The following LOXHD1 variants were observed in gnomAD, a reference collection of about 807,000 sequenced individuals.
LOXHD1 encodes lipoxygenase homology domain-containing protein 1.
In LOXHD1, 205 loss-of-function variants were observed where a neutral mutation model predicts 248.2. That is an observed-to-expected ratio of 0.83 (90% CI 0.74 to 0.93). LOXHD1 has a LOEUF of 0.93. Among genes scored for constraint, LOXHD1 ranks in the 40% least tolerant of loss-of-function variants. LOXHD1 has a pLI of 0.00. For missense variants in LOXHD1, 2,930 were observed against 2,971.6 expected, an observed-to-expected ratio of 0.99 and a Z score of 0.33; for synonymous variants, 1,113 against 1,162.8, an observed-to-expected ratio of 0.96 and a Z score of 0.87.
chr18:46,642,620 A>G (rs1194361667), intron 2 of LOXHD1, among the ~76,000 whole-genome samples: 4 of 152,250 alleles, frequency 2.6e-5, no homozygotes, highest in Non-Finnish European at 5.9e-5. Flanking sequence ...CATCTCTGGC[A>G]TCCTGCAAAT....
intron 6 of LOXHD1, among the ~76,000 whole-genome samples, chr18:46,604,539 C>T (rs1006426905): frequency 6.6e-6 from 1 of 152,194 alleles, no homozygotes; most frequent in Non-Finnish European, 1.5e-5. Context: ...AGACTGGTTA[C>T]AAGAACTGGA....
At chr18:46,546,334 A>T (rs2036827660) in intron 22 of LOXHD1, among the ~76,000 whole-genome samples, 1 of 151,414 alleles carries the variant, frequency 6.6e-6, no homozygotes, top group African/African-American at 2.4e-5. Context: ...ACTCCATTCC[A>T]ATACATTTCA....
chr18:46,549,105 T>G (rs1233655287), intron 21 of LOXHD1, among the ~76,000 whole-genome samples: 1 of 152,202 alleles, frequency 6.6e-6, no homozygotes, highest in East Asian at 1.9e-4. Flanking sequence ...CTCTTCCTCC[T>G]CCAGGAATAC....
intron 14 of LOXHD1, among the ~76,000 whole-genome samples, chr18:46,573,011 A>C (rs1161587976): frequency 8.5e-6 from 1 of 118,016 alleles, no homozygotes. Flanking sequence ...CGACAGGGTG[A>C]GACTCCGTCT....
chr18:46,604,311 C>T, intron 6 of LOXHD1, 82 bp from the exon 7 acceptor site: 1 of 1,508,734 alleles, frequency 6.6e-7, no homozygotes, highest in Non-Finnish European at 9.0e-7. Context: ...CTTCCAATCA[C>T]TTGAGTCTAC....
chr18:46,542,981 C>T, intron 23 of LOXHD1, 126 bp from the exon 24 acceptor site: 1 of 1,332,102 alleles, frequency 7.5e-7, no homozygotes, highest in South Asian at 1.4e-5. Flanking sequence ...TTAGACTGTG[C>T]AATTATCATC....
At chr18:46,625,985 A>G (rs1304793719) in intron 4 of LOXHD1, among the ~76,000 whole-genome samples, 1 of 152,140 alleles carries the variant, frequency 6.6e-6, no homozygotes, top group Non-Finnish European at 1.5e-5. Context: ...CTTGTATACT[A>G]CTGGAATGTC....
intron 34 of LOXHD1, 90 bp downstream of exon 34, chr18:46,518,039 T>G: frequency 6.8e-7 from 1 of 1,472,842 alleles, no homozygotes; most frequent in Non-Finnish European, 9.3e-7. Flanking sequence ...GCAGCGGGCA[T>G]GTGAGAATCA....
chr18:46,569,390 G>A, intron 16 of LOXHD1, 52 bp downstream of exon 16: 2 of 1,458,690 alleles, frequency 1.4e-6, no homozygotes, highest in South Asian at 1.3e-5. Context: ...GTGTGAATGT[G>A]TGTTCGGAAA....
chr18:46,631,676 T>C (rs564509252), intron 4 of LOXHD1, among the ~76,000 whole-genome samples: 39 of 152,184 alleles, frequency 2.6e-4, no homozygotes, highest in Non-Finnish European at 5.0e-4. Context: ...CAGTTTCCTA[T>C]ATCACCAACT....
chr18:46,572,164 T>C lies in LOXHD1; in HGVS notation c.1971-2A>G. 1 of 1,551,768 alleles carries C rather than the reference T, an allele frequency of 6.4e-7. No homozygotes were observed. ...TCATCCTTATCCTTGTCCAACCACCTGGTGGGCAAATGGGGGAATGTTAGC... is the reference window on the plus strand; with the variant it reads ...TCATCCTTATCCTTGTCCAACCACCCGGTGGGCAAATGGGGGAATGTTAGC... On this transcript the variant is annotated splice_acceptor_variant, in intron 14 of 40. Transcript: ENST00000642948. LOFTEE classifies it high-confidence loss of function.
intron 1 of LOXHD1, among the ~76,000 whole-genome samples, chr18:46,654,906 C>T (rs1233840714): frequency 6.6e-6 from 1 of 152,208 alleles, no homozygotes; most frequent in African/African-American, 2.4e-5. Flanking sequence ...CAGTCAAAAT[C>T]GGGCAGTACA....
At chr18:46,620,510 G>C (rs1202114739) in intron 4 of LOXHD1, among the ~76,000 whole-genome samples, 1 of 152,216 alleles carries the variant, frequency 6.6e-6, no homozygotes, top group Non-Finnish European at 1.5e-5. Flanking sequence ...ATTCCAGAAG[G>C]CAGAATTCTA....
At chr18:46,530,979 T>C (rs776691989) in intron 28 of LOXHD1, among the ~76,000 whole-genome samples, 1 of 152,142 alleles carries the variant, frequency 6.6e-6, no homozygotes. Context: ...CGCACACTTA[T>C]TACCTAGAGG....
intron 14 of LOXHD1, among the ~76,000 whole-genome samples, chr18:46,576,159 A>C (rs2037849740): frequency 6.6e-6 from 1 of 152,112 alleles, no homozygotes. Flanking sequence ...TAGACTATAA[A>C]CTCCATGAGG....
chr18:46,540,244 T>C (rs1164539839), intron 25 of LOXHD1, among the ~76,000 whole-genome samples: 1 of 152,206 alleles, frequency 6.6e-6, no homozygotes, highest in African/African-American at 2.4e-5. Flanking sequence ...ATTGCCAGCC[T>C]CTAGGAGTCT....
intron 5 of LOXHD1, among the ~76,000 whole-genome samples, chr18:46,615,183 G>A (rs140826993): frequency 1.1e-4 from 16 of 152,306 alleles, no homozygotes; most frequent in African/African-American, 3.8e-4. Flanking sequence ...GAGGACCAAA[G>A]GCAAAGATTC....
At chr18:46,644,253 T>G (rs1482932291) in intron 2 of LOXHD1, among the ~76,000 whole-genome samples, 1 of 152,050 alleles carries the variant, frequency 6.6e-6, no homozygotes, top group East Asian at 1.9e-4. Context: ...TGCCAGCAAG[T>G]AGGGGAAAAG....
downstream of LOXHD1, chr18:46,477,222 T>C: frequency 1.4e-6 from 1 of 729,162 alleles, no homozygotes; most frequent in Non-Finnish European, 2.5e-6. Context: ...TGGTCACTAC[T>C]GTTATTACAG....
Sources: gnomAD v4.1 joint callset for allele counts (sites outside exome capture counted in the v4.1 genomes callset) on GRCh38, gnomAD v4.1.1 for gene constraint, MANE v1.5 for transcripts, NCBI Gene and HGNC (gene_info 2026-07-23, HGNC 2026-07-21) for gene names.